NRG1: variants seen among roughly 807,000 people sequenced by gnomAD.
NRG1 encodes neuregulin 1.
In NRG1, 18 loss-of-function variants were observed where a neutral mutation model predicts 63.8. The observed-to-expected ratio is 0.28, with a 90% CI of 0.19 to 0.42. The LOEUF (loss-of-function observed/expected upper bound fraction) is 0.42, where lower values mean the gene tolerates loss of function less well. Among genes scored for constraint, NRG1 ranks in the 10% least tolerant of loss-of-function variants. The pLI, the probability that NRG1 is intolerant of heterozygous loss-of-function variation, is 1.00. For synonymous variants in NRG1, 302 were observed against 301.3 expected (o/e 1.00, Z -0.02); for missense variants, 762 against 814.7 (o/e 0.94, Z 0.79).
chr8:31,900,381 C>T (rs1026640879), intron 1 of NRG1, among the ~76,000 whole-genome samples: 1 of 152,094 alleles, frequency 6.6e-6, no homozygotes, highest in African/African-American at 2.4e-5. Context: ...CAAGAGAATG[C>T]AAGTATTAAA....
rs1346739985 is a variant in NRG1, at chr8:31,785,300, A to T, written c.37+145869A>T. Among the ~76,000 whole-genome samples the T allele has an allele frequency of 2.0e-5, 3 of 152,160 alleles. No individual in the cohort carries two copies. In the East Asian group the frequency reaches 5.8e-4, roughly 29 times the overall value. On this transcript the variant is annotated intron_variant, in intron 1 of 10. Coordinates refer to the NRG1 transcript ENST00000519301. ...GATTGGCAGTTGAAGCATTCACCAG[A>T]GCATGGATGTGTTTTCTGAGCAAGA...
At chr8:31,763,866 C>A (rs551621413) in intron 1 of NRG1, among the ~76,000 whole-genome samples, 1 of 152,008 alleles carries the variant, frequency 6.6e-6, no homozygotes, top group Non-Finnish European at 1.5e-5. Context: ...AGGAGAATGG[C>A]GTGAACCTGG....
chr8:31,686,971 G>A (rs1368183101), intron 1 of NRG1, among the ~76,000 whole-genome samples: 1 of 152,028 alleles, frequency 6.6e-6, no homozygotes, highest in African/African-American at 2.4e-5. Flanking sequence ...GCTTCACCAT[G>A]TTGGCCAGAC....
At chr8:32,485,934 C>A (rs1476189855) in intron 1 of NRG1, among the ~76,000 whole-genome samples, 1 of 151,400 alleles carries the variant, frequency 6.6e-6, no homozygotes, top group East Asian at 1.9e-4. Context: ...TCTTTTTTTT[C>A]TTTTTTCTTT....
intron 1 of NRG1, among the ~76,000 whole-genome samples, chr8:31,763,190 A>G (rs569214063): frequency 2.5e-4 from 38 of 152,344 alleles, no homozygotes; most frequent in African/African-American, 7.9e-4. Flanking sequence ...AAGGAAATCT[A>G]TAATAAACCT....
At chr8:31,880,203 A>G (rs531767695) in intron 1 of NRG1, among the ~76,000 whole-genome samples, 88 of 152,314 alleles carry the variant, frequency 5.8e-4, no homozygotes, top group African/African-American at 1.8e-3. Context: ...AGTCAAATGT[A>G]TTCATGACAT....
At chr8:32,230,371 C>T (rs1286710773) in intron 1 of NRG1, among the ~76,000 whole-genome samples, 3 of 152,152 alleles carry the variant, frequency 2.0e-5, no homozygotes. Context: ...TTGGATGAGT[C>T]ATCAACAAGA....
At chr8:32,551,295 T>C (rs1834055126) in intron 1 of NRG1, among the ~76,000 whole-genome samples, 1 of 152,214 alleles carries the variant, frequency 6.6e-6, no homozygotes, top group African/African-American at 2.4e-5. Context: ...TCTCTTGTAT[T>C]GCTCCCATCT....
intron 1 of NRG1, among the ~76,000 whole-genome samples, chr8:32,046,245 G>A (rs770867404): frequency 2.6e-5 from 4 of 151,986 alleles, no homozygotes; most frequent in Non-Finnish European, 4.4e-5. Context: ...TAATGCCATA[G>A]CACTAGAATG....
chr8:32,076,087 T>C (rs1826495508), intron 1 of NRG1, among the ~76,000 whole-genome samples: 1 of 152,244 alleles, frequency 6.6e-6, no homozygotes, highest in Admixed American at 6.5e-5. Flanking sequence ...TCATGTCTTT[T>C]ATTCTCCCCT....
intron 1 of NRG1, among the ~76,000 whole-genome samples, chr8:32,549,731 C>G (rs1435554264): frequency 6.6e-6 from 1 of 152,114 alleles, no homozygotes; most frequent in Non-Finnish European, 1.5e-5. Context: ...TTAGATGTCC[C>G]TAGGAAGCGC....
At chr8:31,932,966 A>G (rs1196279932) in intron 1 of NRG1, among the ~76,000 whole-genome samples, 1 of 152,206 alleles carries the variant, frequency 6.6e-6, no homozygotes, top group Non-Finnish European at 1.5e-5. Flanking sequence ...ATAAGCTCAT[A>G]TTTTGAACTT....
chr8:32,280,997 G>A (rs778935306), intron 1 of NRG1, among the ~76,000 whole-genome samples: 38 of 150,912 alleles, frequency 2.5e-4, no homozygotes, highest in Non-Finnish European at 3.8e-4. Context: ...CTGACCTCGT[G>A]ATCCACCCAC....
At chr8:32,673,585 A>G (rs1323107313) in intron 5 of NRG1, among the ~76,000 whole-genome samples, 1 of 152,210 alleles carries the variant, frequency 6.6e-6, no homozygotes, top group Admixed American at 6.5e-5. Flanking sequence ...TGACAGTGGA[A>G]AATGGATTAA....
At chr8:31,792,173 T>C (rs917734761) in intron 1 of NRG1, among the ~76,000 whole-genome samples, 1 of 152,176 alleles carries the variant, frequency 6.6e-6, no homozygotes, top group Non-Finnish European at 1.5e-5. Context: ...AGCACATTAC[T>C]CTTTAAGGAA....
intron 6 of NRG1, among the ~76,000 whole-genome samples, chr8:32,740,121 C>A (rs1825966541): frequency 6.7e-6 from 1 of 150,308 alleles, no homozygotes; most frequent in Non-Finnish European, 1.5e-5. Flanking sequence ...TATATACGTT[C>A]AGTAAGAATG....
At chr8:31,833,769 C>T (rs548627566) in intron 1 of NRG1, among the ~76,000 whole-genome samples, 6 of 152,178 alleles carry the variant, frequency 3.9e-5, no homozygotes, top group South Asian at 2.1e-4. Flanking sequence ...TCCATGATCT[C>T]GTGTAAATAT....
At position 31,864,997 on chromosome 8, in the gene NRG1, A is replaced by G. The variant is rs994882417; in HGVS notation, c.37+225566A>G. ...TATCAAAGAAGGCCTTTATTTACCTATACTTCTAGCATGCTTTGCTTTAGA... is the reference window on the plus strand; with the variant it reads ...TATCAAAGAAGGCCTTTATTTACCTGTACTTCTAGCATGCTTTGCTTTAGA... On this transcript the variant is annotated intron_variant, in intron 1 of 10. Coordinates refer to the NRG1 transcript ENST00000519301. Among the ~76,000 whole-genome samples, 13 of 152,120 alleles carry G rather than the reference A, an allele frequency of 8.5e-5. 1 individual carries two copies. The highest frequency in any genetic ancestry group is 1.5e-4 in the Non-Finnish European group (10 of 68,022).
chr8:32,667,965 C>A (rs748324219), intron 5 of NRG1, among the ~76,000 whole-genome samples: 35 of 152,222 alleles, frequency 2.3e-4, no homozygotes, highest in Non-Finnish European at 4.0e-4. Flanking sequence ...GTAATCTCAG[C>A]ACTTTGGGAG....
Sources: gnomAD v4.1 joint callset for allele counts (sites outside exome capture counted in the v4.1 genomes callset) on GRCh38, gnomAD v4.1.1 for gene constraint, MANE v1.5 for transcripts, NCBI Gene and HGNC (gene_info 2026-07-23, HGNC 2026-07-21) for gene names.